The following MAPKAP1 variants were observed in gnomAD, a reference collection of about 807,000 sequenced individuals.
The protein encoded by MAPKAP1 is target of rapamycin complex 2 subunit MAPKAP1.
Under a neutral mutation model 65.7 loss-of-function variants are expected in MAPKAP1, and 20 were observed. The observed-to-expected ratio is 0.30, with a 90% confidence interval of 0.21 to 0.44. The LOEUF is 0.44. Ranked by LOEUF, MAPKAP1 falls within the 20% of genes least tolerant of loss-of-function variation. The pLI is 1.00. For synonymous variants in MAPKAP1, 222 were observed against 244.3 expected (o/e 0.91, Z 0.85); for missense variants, 423 against 648.0 (o/e 0.65, Z 3.77).
In MAPKAP1 at chr9:125,614,580, G is replaced by A. The variant is rs569145422; in HGVS notation, c.499-28853C>T. On this transcript the variant is annotated intron_variant, in intron 4 of 11. Transcript: ENST00000265960. ...GTGGAGGTTGCAGTGAGCCAAGATC[G>A]CGCCATTGCACTCCAGCTTTGAGCA... Among the ~76,000 whole-genome samples, 9 of 152,220 alleles carry A rather than the reference G, an allele frequency of 5.9e-5. No individual in the cohort carries two copies. The South Asian group carries it at 6.2e-4, about 11-fold the overall frequency.
rs1474886437 is a variant in MAPKAP1 at position 125,577,589 on chromosome 9, G to A, written c.671+7966C>T. Among the ~76,000 whole-genome samples, 659 of 105,332 alleles carry A rather than the reference G, an allele frequency of 6.3e-3. 8 individuals are homozygous for A. The highest frequency in any genetic ancestry group is 0.021 in the African/African-American group (577 of 27,376). 69.1% of individuals were successfully genotyped at this position (105,332 alleles called of 152,430 possible). A position where few individuals can be genotyped will look rare whatever the true frequency, so the allele number is the denominator to read the frequency against. ...GGGGGGTCAGCCCCCCGCCCTGCCA[G>A]CCGCCCCGTCCGGGAGGGAGGTGGG... On this transcript the variant is annotated intron_variant, in intron 5 of 11. Coordinates refer to ENST00000265960, the MANE Select transcript of MAPKAP1 (RefSeq NM_001006617.3).
chr9:125,597,849 C>G (rs1466245783), intron 4 of MAPKAP1, among the ~76,000 whole-genome samples: 3 of 152,152 alleles, frequency 2.0e-5, no homozygotes. Flanking sequence ...GTACCTTTAT[C>G]CCAACTTCCT....
At chr9:125,596,237 C>T in intron 4 of MAPKAP1, 1 of 764,710 alleles carries the variant, frequency 1.3e-6, no homozygotes, top group Non-Finnish European at 2.4e-6. Context: ...ATACTTCATC[C>T]AGCGAAAGAG....
chr9:125,686,352 A>G (rs2131835081), intron 1 of MAPKAP1, among the ~76,000 whole-genome samples: 1 of 152,058 alleles, frequency 6.6e-6, no homozygotes. Context: ...AGAAAAAAGA[A>G]TAAAAAAAAG....
intron 1 of MAPKAP1, among the ~76,000 whole-genome samples, chr9:125,697,740 T>A (rs1835428598): frequency 1.3e-5 from 2 of 152,192 alleles, no homozygotes; most frequent in African/African-American, 4.8e-5. Flanking sequence ...TAACTTTTTT[T>A]AAAAGCTTGT....
At chr9:125,522,609 G>A (rs2133118490) in intron 7 of MAPKAP1, among the ~76,000 whole-genome samples, 1 of 152,218 alleles carries the variant, frequency 6.6e-6, no homozygotes, top group South Asian at 2.1e-4. Context: ...TCTCACTCAG[G>A]CCGCAGTAAT....
At chr9:125,440,518 C>G (rs902212231) in intron 11 of MAPKAP1, among the ~76,000 whole-genome samples, 2 of 152,224 alleles carry the variant, frequency 1.3e-5, no homozygotes, top group African/African-American at 4.8e-5. Flanking sequence ...GATTCTACTC[C>G]GAGGGCCATG....
At chr9:125,521,584 A>C in intron 7 of MAPKAP1, 2 of 1,450,858 alleles carry the variant, frequency 1.4e-6, no homozygotes, top group Non-Finnish European at 9.0e-7. Flanking sequence ...CAGGGTGCTA[A>C]ATCACACTGC....
chr9:125,439,127 T>A lies in MAPKAP1; in HGVS notation c.1444-115A>T. On this transcript the variant is annotated intron_variant, in intron 11 of 11. Coordinates refer to ENST00000265960, the MANE Select transcript of MAPKAP1 (RefSeq NM_001006617.3). The surrounding 1 kb of genome is among the most constrained non-coding windows in gnomAD (Gnocchi z 4.0). ...CTGGGCCGGGTGCCTCAGGGCCAGG[T>A]GCTGTCGTGTGGAAGGAGTCCAGTC... 1 of 1,195,296 alleles carries A rather than the reference T, an allele frequency of 8.4e-7. No individual in the cohort carries two copies. The highest frequency in any genetic ancestry group is 1.2e-6 in the Non-Finnish European group (1 of 858,098). 74.0% of individuals were successfully genotyped at this position (1,195,296 alleles called of 1,614,324 possible). A position where few individuals can be genotyped will look rare whatever the true frequency, so the allele number is the denominator to read the frequency against.
intron 1 of MAPKAP1, among the ~76,000 whole-genome samples, chr9:125,698,305 ATATATATATATATATATATATATATATAT>A (rs1564622465): frequency 3.3e-5 from 1 of 30,180 alleles, no homozygotes; most frequent in Non-Finnish European, 6.7e-5. Context: ...ATATATATAT[ATATATATATATATATATATATATATATAT>A]ATAAAATATA....
intron 10 of MAPKAP1, among the ~76,000 whole-genome samples, chr9:125,448,237 G>A (rs1344699916): frequency 6.6e-6 from 1 of 152,322 alleles, no homozygotes; most frequent in East Asian, 1.9e-4. Context: ...AATGTTGGCA[G>A]GATGGGGAGA....
rs1268490911 is a variant in MAPKAP1 at position 125,707,145 on chromosome 9, C to T, written c.-244G>A. ...GCCGCTTCCCGGGTTAGCCCTCATG[C>T]CCCTGCTGCTCGCCGCCGCCGGCCG... On this transcript the variant is annotated 5_prime_UTR_variant, in exon 1 of 12. Transcript: ENST00000265960. 7 of 398,142 alleles carry T rather than the reference C, an allele frequency of 1.8e-5. No individual in the cohort carries two copies. In the Admixed American group the frequency reaches 2.6e-4, roughly 15 times the overall value. 24.7% of individuals were successfully genotyped at this position (398,142 alleles called of 1,614,324 possible).
chr9:125,538,384 C>T (rs962854514), intron 7 of MAPKAP1, among the ~76,000 whole-genome samples: 6 of 152,146 alleles, frequency 3.9e-5, no homozygotes, highest in African/African-American at 1.4e-4. Flanking sequence ...ATAAGACTTG[C>T]TAATGGATAA....
chr9:125,693,686 CGTATATATACACGTATATAT>C (rs1564620173), intron 1 of MAPKAP1, among the ~76,000 whole-genome samples: 8 of 128,916 alleles, frequency 6.2e-5, no homozygotes, highest in South Asian at 2.5e-4. Flanking sequence ...TATATATACA[CGTATATATACACGTATATAT>C]ACACATATAT....
At chr9:125,459,274 G>A (rs561675624) in intron 10 of MAPKAP1, among the ~76,000 whole-genome samples, 5 of 150,348 alleles carry the variant, frequency 3.3e-5, no homozygotes, top group South Asian at 2.1e-4. Context: ...GGGAAGAGGC[G>A]CTCCTCACTT....
chr9:125,522,617 A>C (rs945444102), intron 7 of MAPKAP1, among the ~76,000 whole-genome samples: 6 of 152,210 alleles, frequency 3.9e-5, no homozygotes, highest in Non-Finnish European at 7.3e-5. Context: ...AGGCCGCAGT[A>C]ATGGTTTCCC....
chr9:125,684,879 G>A (rs1834929542), intron 1 of MAPKAP1, among the ~76,000 whole-genome samples: 1 of 152,116 alleles, frequency 6.6e-6, no homozygotes, highest in Admixed American at 6.5e-5. Context: ...TCACCATGCT[G>A]CCCAGACTGG....
chr9:125,613,801 C>CTT lies in MAPKAP1; in HGVS notation c.499-28076_499-28075dup, dbSNP rs550073547. Among the ~76,000 whole-genome samples the CTT allele has an allele frequency of 6.3e-3, 910 of 144,158 alleles. 10 individuals carry two copies. Among genetic ancestry groups the CTT allele is most frequent in the African/African-American group, 0.021 (845 of 39,572 alleles). 94.6% of individuals were successfully genotyped at this position (144,158 alleles called of 152,430 possible). On this transcript the variant is annotated intron_variant, in intron 4 of 11. Transcript: ENST00000265960. The stretch of plus-strand genomic sequence containing the variant: ...TAACCTTACTGAAAAAGAGCAATTT[C>CTT]TTTTTTTTTTTTTTAAGACGGAGTC...
intron 4 of MAPKAP1, among the ~76,000 whole-genome samples, chr9:125,588,421 G>A (rs1017865667): frequency 6.6e-6 from 1 of 152,176 alleles, no homozygotes; most frequent in African/African-American, 2.4e-5. Context: ...TGGGAGGTAT[G>A]AGGTTTCTTT....
Sources: gnomAD v4.1 joint callset for allele counts (sites outside exome capture counted in the v4.1 genomes callset) on GRCh38, gnomAD v4.1.1 for gene constraint, Gnocchi (gnomAD v3.1) non-coding constraint, MANE v1.5 for transcripts, NCBI Gene and HGNC (gene_info 2026-07-23, HGNC 2026-07-21) for gene names.